The following EFNA3 variants were observed in gnomAD, a reference collection of about 807,000 sequenced individuals.
EFNA3 encodes the protein ephrin A3.
In EFNA3, 15 loss-of-function variants were observed where a neutral mutation model predicts 25.0. That is an observed-to-expected ratio of 0.60 (90% confidence interval 0.40 to 0.92). The LOEUF (loss-of-function observed/expected upper bound fraction) is 0.92. Ranked by LOEUF, EFNA3 falls within the 40% of genes least tolerant of loss-of-function variation. The probability of loss-of-function intolerance (pLI) is 0.00; values close to 1 mark genes in which losing one functional copy is unlikely to be tolerated. For synonymous variants in EFNA3, 153 were observed against 145.6 expected (o/e 1.05, Z -0.37); for missense variants, 298 against 323.8 (o/e 0.92, Z 0.61).
In EFNA3 at chr1:155,079,149, T is replaced by G; in HGVS notation, c.128+80T>G. 7.5e-6 allele frequency: 9 copies of G among 1,192,238 alleles called. No individual in the cohort carries two copies. The highest frequency in any genetic ancestry group is 3.7e-5 in the East Asian group (1 of 26,966). 73.9% of individuals were successfully genotyped at this position (1,192,238 alleles called of 1,614,324 possible). A position where few individuals can be genotyped will look rare whatever the true frequency, so the allele number is the denominator to read the frequency against. ...GGTGGGCCCGAGAAGTCCTGGGGGATCCCGGGGTGGGAGTCCTGGGAGACC... is the reference window on the plus strand; with the variant it reads ...GGTGGGCCCGAGAAGTCCTGGGGGAGCCCGGGGTGGGAGTCCTGGGAGACC... On this transcript the variant is annotated intron_variant, in intron 1 of 4. Transcript: ENST00000368408. This position sits in a 1 kb window ranked among gnomAD's most constrained non-coding sequence, Gnocchi z 7.7.
intron 1 of EFNA3, among the ~76,000 whole-genome samples, chr1:155,083,331 A>C (rs1398301220): frequency 1.3e-5 from 2 of 152,186 alleles, no homozygotes; most frequent in East Asian, 3.8e-4. Flanking sequence ...CCCCTCCCCA[A>C]GGCCTGAGGG....
rs888368885 is a variant in EFNA3 at position 155,081,121 on chromosome 1, C to T, written c.128+2052C>T. Among the ~76,000 whole-genome samples the T allele has an allele frequency of 6.6e-6, 1 of 152,176 alleles. No individual in the cohort carries two copies. The highest frequency in any genetic ancestry group is 6.5e-5 in the Admixed American group (1 of 15,288). On this transcript the variant is annotated intron_variant, in intron 1 of 4. Coordinates refer to ENST00000368408, the MANE Select transcript of EFNA3 (RefSeq NM_004952.5). The surrounding 1 kb of genome is among the most constrained non-coding windows in gnomAD (Gnocchi z 5.2). ...GTCACGTGGGGAGGGTCTTGCGACC[C>T]CGCCTCCTGGGGGGGTCACGTGCGT...
Position 155,085,443 on chromosome 1 carries a change from G to A in EFNA3, c.442+39G>A. On this transcript the variant is annotated intron_variant, in intron 2 of 4. Coordinates refer to ENST00000368408, the MANE Select transcript of EFNA3 (RefSeq NM_004952.5). This position sits in a 1 kb window ranked among gnomAD's most constrained non-coding sequence, Gnocchi z 4.4. ...GCCGGGCGGGCGGGTCTGAACGCGA[G>A]AGTCTGAGTGACAGCCGGGGGGTGG... The A allele has an allele frequency of 6.7e-7, 1 of 1,499,692 alleles. No homozygotes were observed. The highest frequency in any genetic ancestry group is 8.9e-7 in the Non-Finnish European group (1 of 1,119,316). The allele number at this position is 1,499,692 out of a possible 1,614,324, so 92.9% of individuals were successfully genotyped here. A position where few individuals can be genotyped will look rare whatever the true frequency, so the allele number is the denominator to read the frequency against.
chr1:155,081,711 T>C lies in EFNA3; in HGVS notation c.128+2642T>C, dbSNP rs922523064. 1.3e-5 allele frequency among the ~76,000 whole-genome samples: 2 copies of C among 152,116 alleles called. No homozygotes were observed. Among genetic ancestry groups the C allele is most frequent in the South Asian group, 4.1e-4 (2 of 4,820 alleles). Reference sequence around the variant, plus strand: ...TCTGTGGGCCTCTCTGGCCTGCCTGTCTCTCCTGTTCTCCAAGACTCTCGG... The same window carrying C: ...TCTGTGGGCCTCTCTGGCCTGCCTGCCTCTCCTGTTCTCCAAGACTCTCGG... On this transcript the variant is annotated intron_variant, in intron 1 of 4. Transcript: ENST00000368408. This position sits in a 1 kb window ranked among gnomAD's most constrained non-coding sequence, Gnocchi z 5.2.
chr1:155,085,362 C>G lies in EFNA3; in HGVS notation c.400C>G (p.Leu134Val). 1 of 1,611,828 alleles carries G rather than the reference C, an allele frequency of 6.2e-7. No homozygotes were observed. Among genetic ancestry groups the G allele is most frequent in the Non-Finnish European group, 8.5e-7 (1 of 1,178,862 alleles). The change falls in exon 2 of 5, where the codon CTG becomes GTG. Residue 134 changes from leucine to valine, a missense_variant. Physicochemically the swap from Leu to Val is conservative, Grantham distance 32. Coordinates refer to ENST00000368408, the MANE Select transcript of EFNA3 (RefSeq NM_004952.5). The surrounding 1 kb of genome is among the most constrained non-coding windows in gnomAD (Gnocchi z 4.4). The part of the protein sequence containing the change: ...EKFQRYSAFS[L>V]GYEFHAGHEY... ...GTTCCAGCGCTACAGCGCCTTCTCTCTGGGCTACGAGTTCCACGCCGGCCA... is the reference window on the plus strand; with the variant it reads ...GTTCCAGCGCTACAGCGCCTTCTCTGTGGGCTACGAGTTCCACGCCGGCCA...
At chr1:155,086,097 C>T in intron 3 of EFNA3, 31 bp from the exon 4 acceptor site, 1 of 1,601,504 alleles carries the variant, frequency 6.2e-7, no homozygotes, top group East Asian at 2.2e-5. Context: ...ACTCTCCCCT[C>T]CTCTCTCCCC....
Position 155,081,428 on chromosome 1 carries a change from G to C in EFNA3, c.128+2359G>C, listed in dbSNP as rs1011054056. On this transcript the variant is annotated intron_variant, in intron 1 of 4. Transcript: ENST00000368408. The surrounding 1 kb of genome is among the most constrained non-coding windows in gnomAD (Gnocchi z 5.2). ...GTGTTTCATTTCTTTGCAGAACTGAGCAAGGATGTTGGTATTTGCTCCGTT... is the reference window on the plus strand; with the variant it reads ...GTGTTTCATTTCTTTGCAGAACTGACCAAGGATGTTGGTATTTGCTCCGTT... Among the ~76,000 whole-genome samples, 3 of 152,240 alleles carry C rather than the reference G, an allele frequency of 2.0e-5. No homozygotes were observed. The highest frequency in any genetic ancestry group is 4.4e-5 in the Non-Finnish European group (3 of 68,040).
chr1:155,085,428 C>G lies in EFNA3; in HGVS notation c.442+24C>G. 2 of 1,530,142 alleles carry G rather than the reference C, an allele frequency of 1.3e-6. No individual in the cohort carries two copies. The highest frequency in any genetic ancestry group is 1.8e-6 in the Non-Finnish European group (2 of 1,132,248). The allele number at this position is 1,530,142 out of a possible 1,614,324, so 94.8% of individuals were successfully genotyped here. A position where few individuals can be genotyped will look rare whatever the true frequency, so the allele number is the denominator to read the frequency against. ...CTGTGAGTGACGGCGGCCGGGCGGGCGGGTCTGAACGCGAGAGTCTGAGTG... is the reference window on the plus strand; with the variant it reads ...CTGTGAGTGACGGCGGCCGGGCGGGGGGGTCTGAACGCGAGAGTCTGAGTG... On this transcript the variant is annotated intron_variant, in intron 2 of 4. Coordinates refer to ENST00000368408, the MANE Select transcript of EFNA3 (RefSeq NM_004952.5). This position sits in a 1 kb window ranked among gnomAD's most constrained non-coding sequence, Gnocchi z 4.4.
intron 1 of EFNA3, among the ~76,000 whole-genome samples, chr1:155,082,112 G>GC (rs1663353572): frequency 6.6e-6 from 1 of 152,074 alleles, no homozygotes; most frequent in South Asian, 2.1e-4. Flanking sequence ...TGCAACCGCC[G>GC]CCCCCCAGCG....
rs1278260318 is a variant in EFNA3 at position 155,085,001 on chromosome 1, G to T, written c.129-90G>T. On this transcript the variant is annotated intron_variant, in intron 1 of 4. Transcript: ENST00000368408. The surrounding 1 kb of genome is among the most constrained non-coding windows in gnomAD (Gnocchi z 4.4). Reference sequence around the variant, plus strand: ...CGGAGGAAAAGTCGGAAGGCTACGCGGACCCTGGGGAGGGGCTGCGGAGCG... The same window carrying T: ...CGGAGGAAAAGTCGGAAGGCTACGCTGACCCTGGGGAGGGGCTGCGGAGCG... The T allele has an allele frequency of 6.2e-5, 90 of 1,446,978 alleles. No homozygotes were observed. The East Asian group carries it at 1.3e-3, about 21-fold the overall frequency. 89.6% of individuals were successfully genotyped at this position (1,446,978 alleles called of 1,614,324 possible).
rs1166656481 is a variant in EFNA3, at chr1:155,080,824, C to A, written c.128+1755C>A. 6.6e-6 allele frequency among the ~76,000 whole-genome samples: 1 copy of A among 152,184 alleles called. No individual in the cohort carries two copies. Among genetic ancestry groups the A allele is most frequent in the Non-Finnish European group, 1.5e-5 (1 of 68,008 alleles). ...CTGGGCCGGCAGAGGTAGGAGGGGGCGCACACCGGGCCAGGAGGCTGCCGC... is the reference window on the plus strand; with the variant it reads ...CTGGGCCGGCAGAGGTAGGAGGGGGAGCACACCGGGCCAGGAGGCTGCCGC... On this transcript the variant is annotated intron_variant, in intron 1 of 4. Coordinates refer to ENST00000368408, the MANE Select transcript of EFNA3 (RefSeq NM_004952.5). The surrounding 1 kb of genome is among the most constrained non-coding windows in gnomAD (Gnocchi z 7.0).
Position 155,085,035 on chromosome 1 carries a change from G to A in EFNA3, c.129-56G>A. 6.3e-7 allele frequency: 1 copy of A among 1,583,832 alleles called. No individual in the cohort carries two copies. Among genetic ancestry groups the A allele is most frequent in the Non-Finnish European group, 8.6e-7 (1 of 1,163,426 alleles). On this transcript the variant is annotated intron_variant, in intron 1 of 4. Transcript: ENST00000368408. The surrounding 1 kb of genome is among the most constrained non-coding windows in gnomAD (Gnocchi z 4.4). ...GGAGGGGCTGCGGAGCGGTCAGATGGAAAGCGGCTTTGCTCTGGGGTTTCT... is the reference window on the plus strand; with the variant it reads ...GGAGGGGCTGCGGAGCGGTCAGATGAAAAGCGGCTTTGCTCTGGGGTTTCT...
intron 1 of EFNA3, among the ~76,000 whole-genome samples, chr1:155,083,594 GCCTCA>G (rs1663384666): frequency 6.6e-6 from 1 of 152,198 alleles, no homozygotes. Flanking sequence ...CTCTCTGCCT[GCCTCA>G]CTGTCAGGCT....
In EFNA3 at chr1:155,085,821, G is replaced by A; in HGVS notation, c.443-56G>A. 6.3e-7 allele frequency: 1 copy of A among 1,596,874 alleles called. No individual in the cohort carries two copies. The highest frequency in any genetic ancestry group is 8.6e-7 in the Non-Finnish European group (1 of 1,169,362). On this transcript the variant is annotated intron_variant, in intron 2 of 4. Transcript: ENST00000368408. This position sits in a 1 kb window ranked among gnomAD's most constrained non-coding sequence, Gnocchi z 4.4. ...AGGGGGTGAGAAATAGAGCCGTCGA[G>A]GGAGGGCACAGGCACACATTGGGCG... is the stretch of plus-strand genomic sequence containing the variant.
At chr1:155,082,198 C>T (rs760291310) in intron 1 of EFNA3, among the ~76,000 whole-genome samples, 3 of 152,300 alleles carry the variant, frequency 2.0e-5, no homozygotes, top group East Asian at 1.9e-4. Flanking sequence ...TCCGGCCTCG[C>T]CTGCTGGAGC....
In EFNA3 at chr1:155,081,362, G is replaced by A. The variant is rs902068726; in HGVS notation, c.128+2293G>A. On this transcript the variant is annotated intron_variant, in intron 1 of 4. Transcript: ENST00000368408. This position sits in a 1 kb window ranked among gnomAD's most constrained non-coding sequence, Gnocchi z 5.2. ...AGCCGGGAATCGAACTTGGTGAGGG[G>A]GGTTGGGACGGCCGATGGCCAAATA... Among the ~76,000 whole-genome samples, 1 of 152,262 alleles carries A rather than the reference G, an allele frequency of 6.6e-6. No individual in the cohort carries two copies. Among genetic ancestry groups the A allele is most frequent in the East Asian group, 1.9e-4 (1 of 5,204 alleles).
At chr1:155,084,733 T>C (rs1663415888) in intron 1 of EFNA3, among the ~76,000 whole-genome samples, 1 of 152,192 alleles carries the variant, frequency 6.6e-6, no homozygotes, top group Admixed American at 6.5e-5. Context: ...CGGGCCTGGG[T>C]CTGAGAGTCG....
intron 1 of EFNA3, among the ~76,000 whole-genome samples, chr1:155,082,660 G>C (rs1663364914): frequency 6.6e-6 from 1 of 152,182 alleles, no homozygotes; most frequent in African/African-American, 2.4e-5. Flanking sequence ...GGCTATAGGG[G>C]ATGAAGTGGA....
chr1:155,082,386 T>C (rs1056168200), intron 1 of EFNA3, among the ~76,000 whole-genome samples: 4 of 152,196 alleles, frequency 2.6e-5, no homozygotes, highest in Non-Finnish European at 4.4e-5. Context: ...CCTGGTCTTG[T>C]TGGACACCCT....
Sources: gnomAD v4.1 joint callset for allele counts (sites outside exome capture counted in the v4.1 genomes callset) on GRCh38, gnomAD v4.1.1 for gene constraint, Gnocchi (gnomAD v3.1) non-coding constraint, MANE v1.5 for transcripts, NCBI Gene and HGNC (gene_info 2026-07-23, HGNC 2026-07-21) for gene names.